Variants in TCF12 observed in about 807,000 individuals in gnomAD.
TCF12 encodes DNA-binding protein HTF4.
TCF12 carries 45 observed loss-of-function variants against 86.0 expected under a neutral mutation model. The observed-to-expected ratio is 0.52, with a 90% CI of 0.41 to 0.67. The LOEUF is 0.67. Ranked by LOEUF, TCF12 falls within the 30% of genes least tolerant of loss-of-function variation. The pLI, the probability that TCF12 is intolerant of heterozygous loss-of-function variation, is 0.00. For missense variants in TCF12, 881 were observed against 859.9 expected, an observed-to-expected ratio of 1.02 and a Z score of -0.31; for synonymous variants, 330 against 299.6, an observed-to-expected ratio of 1.10 and a Z score of -1.05.
At chr15:56,986,482 AAG>A (rs2063183955) in intron 3 of TCF12, among the ~76,000 whole-genome samples, 1 of 152,188 alleles carries the variant, frequency 6.6e-6, no homozygotes, top group Non-Finnish European at 1.5e-5. Context: ...GTCCTGTTGT[AAG>A]TAGCTGACTG....
intron 7 of TCF12, 66 bp downstream of exon 7, chr15:57,192,359 G>C (rs753276670): frequency 3.8e-5 from 58 of 1,523,518 alleles, no homozygotes; most frequent in Non-Finnish European, 5.0e-5. Flanking sequence ...CCCATAATCT[G>C]TACTTCTGGC....
chr15:57,028,164 C>T (rs1468341536), intron 3 of TCF12, among the ~76,000 whole-genome samples: 8 of 152,076 alleles, frequency 5.3e-5, no homozygotes, highest in African/African-American at 1.2e-4. Flanking sequence ...GACGGGGTTT[C>T]GCCATGTTGG....
chr15:57,270,706 A>G (rs2061096606), intron 18 of TCF12, among the ~76,000 whole-genome samples: 1 of 151,974 alleles, frequency 6.6e-6, no homozygotes. Context: ...GGTTTTATCT[A>G]CCTTTGGTCT....
intron 8 of TCF12, among the ~76,000 whole-genome samples, chr15:57,200,572 C>G (rs537305065): frequency 6.6e-6 from 1 of 152,224 alleles, no homozygotes; most frequent in South Asian, 2.1e-4. Flanking sequence ...TTCATTCTAT[C>G]TTTAATCTGT....
intron 3 of TCF12, among the ~76,000 whole-genome samples, chr15:56,932,912 A>G (rs1364323406): frequency 1.3e-5 from 2 of 152,214 alleles, no homozygotes; most frequent in African/African-American, 4.8e-5. Flanking sequence ...TTAATTAAGG[A>G]CTTTATTTTT....
At chr15:57,217,295 T>G (rs1366542748) in intron 8 of TCF12, among the ~76,000 whole-genome samples, 5 of 152,154 alleles carry the variant, frequency 3.3e-5, no homozygotes, top group African/African-American at 1.2e-4. Flanking sequence ...TTAAAGAAAT[T>G]TGATTATACT....
intron 16 of TCF12, among the ~76,000 whole-genome samples, chr15:57,255,714 C>G (rs556442825): frequency 6.6e-6 from 1 of 152,072 alleles, no homozygotes; most frequent in Admixed American, 6.5e-5. Flanking sequence ...AAACTCCTGA[C>G]CTTGTGATCC....
chr15:57,087,273 G>A (rs576494290), intron 4 of TCF12, among the ~76,000 whole-genome samples: 69 of 151,890 alleles, frequency 4.5e-4, no homozygotes, highest in South Asian at 8.3e-4. Flanking sequence ...TTGGCTGGTC[G>A]TGGTGGTGTG....
chr15:57,123,982 A>AAAAAAAAAAAAAAAAAAAAAAAAATT (rs1555511574), intron 5 of TCF12, among the ~76,000 whole-genome samples: 1 of 111,210 alleles, frequency 9.0e-6, no homozygotes, highest in African/African-American at 3.0e-5. Flanking sequence ...AAAAAAAAAA[A>AAAAAAAAAAAAAAAAAAAAAAAAATT]TTTTTTTTTT....
chr15:57,178,970 A>G (rs575255397), intron 6 of TCF12, among the ~76,000 whole-genome samples: 22 of 152,250 alleles, frequency 1.4e-4, no homozygotes, highest in African/African-American at 3.9e-4. Context: ...GTATTGATCT[A>G]CATCCCGGAT....
chr15:56,937,890 C>T (rs545645645), intron 3 of TCF12, among the ~76,000 whole-genome samples: 1 of 152,122 alleles, frequency 6.6e-6, no homozygotes, highest in South Asian at 2.1e-4. Flanking sequence ...CCCTGTATCC[C>T]TGGTATGAAA....
Position 56,937,911 on chromosome 15 carries a change from C to T in TCF12, c.148+16813C>T, listed in dbSNP as rs369000162. ...ATCCCTGGTATGAAACTCGCTTGATCATGATGGATTATCTTTTTGATATAC... is the reference window on the plus strand; with the variant it reads ...ATCCCTGGTATGAAACTCGCTTGATTATGATGGATTATCTTTTTGATATAC... On this transcript the variant is annotated intron_variant, in intron 3 of 20. Coordinates refer to ENST00000333725, the MANE Select transcript of TCF12 (RefSeq NM_207037.2). Among the ~76,000 whole-genome samples the T allele has an allele frequency of 2.0e-5, 3 of 151,890 alleles. No individual in the cohort carries two copies. The East Asian group carries it at 5.8e-4, about 29-fold the overall frequency.
intron 6 of TCF12, among the ~76,000 whole-genome samples, chr15:57,187,555 A>G (rs1317563914): frequency 1.3e-5 from 2 of 152,204 alleles, no homozygotes; most frequent in Non-Finnish European, 2.9e-5. Flanking sequence ...GTTTTAAGAA[A>G]GTTTACAAAT....
intron 3 of TCF12, among the ~76,000 whole-genome samples, chr15:57,057,544 G>A (rs899256089): frequency 5.9e-5 from 9 of 152,172 alleles, no homozygotes; most frequent in African/African-American, 1.9e-4. Context: ...GTAGTTGATA[G>A]CAAGCTAGCT....
chr15:57,276,426 G>T (rs536944517), intron 19 of TCF12, among the ~76,000 whole-genome samples: 1 of 152,322 alleles, frequency 6.6e-6, no homozygotes, highest in East Asian at 1.9e-4. Flanking sequence ...AGATGAGAGA[G>T]GAGACCATAG....
rs536759343 is a variant in TCF12, at chr15:57,183,369, A to G, written c.391-8789A>G. On this transcript the variant is annotated intron_variant, in intron 6 of 20. Transcript: ENST00000333725. ...CTAAATCATTTGAGAATAAGTTGACATTTTCCTATTTATTCTTGATCTTAA... is the reference window on the plus strand; with the variant it reads ...CTAAATCATTTGAGAATAAGTTGACGTTTTCCTATTTATTCTTGATCTTAA... Among the ~76,000 whole-genome samples, 4 of 152,270 alleles carry G rather than the reference A, an allele frequency of 2.6e-5. No individual in the cohort carries two copies. The South Asian group carries it at 6.2e-4, about 24-fold the overall frequency.
intron 20 of TCF12, among the ~76,000 whole-genome samples, chr15:57,284,793 TTCTCA>T (rs1178605731): frequency 6.6e-6 from 1 of 152,258 alleles, no homozygotes; most frequent in Non-Finnish European, 1.5e-5. Flanking sequence ...TGTCTTCTTA[TTCTCA>T]TCTCGTTTCC....
chr15:57,007,893 CCTTCCTTCCTTCCTTCCT>C (rs2141126673), intron 3 of TCF12, among the ~76,000 whole-genome samples: 1 of 93,314 alleles, frequency 1.1e-5, no homozygotes, highest in African/African-American at 4.2e-5. Flanking sequence ...TTCCTTCCTT[CCTTCCTTCCTTCCTTCCT>C]TCCTCTTTCT....
intron 5 of TCF12, among the ~76,000 whole-genome samples, chr15:57,111,323 AAG>A (rs2050474916): frequency 6.6e-6 from 1 of 152,132 alleles, no homozygotes; most frequent in African/African-American, 2.4e-5. Flanking sequence ...GTGTTCTTAA[AAG>A]AAAAATTTCG....
Sources: gnomAD v4.1 joint callset for allele counts (sites outside exome capture counted in the v4.1 genomes callset) on GRCh38, gnomAD v4.1.1 for gene constraint, MANE v1.5 for transcripts, NCBI Gene and HGNC (gene_info 2026-07-23, HGNC 2026-07-21) for gene names.